The following DIS3L2 variants were observed in gnomAD, a reference collection of about 807,000 sequenced individuals.
The protein encoded by DIS3L2 is DIS3 like 3'-5' exoribonuclease 2, also known as DIS3-like exonuclease 2.
In DIS3L2, 34 loss-of-function variants were observed where a neutral mutation model predicts 97.5. The observed-to-expected ratio is 0.35, with a 90% CI of 0.27 to 0.46. DIS3L2 has a LOEUF of 0.46. Ranked by LOEUF, DIS3L2 falls within the 20% of genes least tolerant of loss-of-function variation. The pLI is 1.00. For missense variants in DIS3L2, 1,038 were observed against 1,146.0 expected (o/e 0.91, Z 1.36); for synonymous variants, 435 against 445.2 (o/e 0.98, Z 0.29).
At chr2:232,097,099 T>C (rs763854641) in intron 6 of DIS3L2, among the ~76,000 whole-genome samples, 26 of 152,348 alleles carry the variant, frequency 1.7e-4, no homozygotes, top group Non-Finnish European at 3.5e-4. Context: ...ATTTGTGTAT[T>C]GTAATCTAAG....
chr2:231,981,153 A>C (rs372045848), intron 1 of DIS3L2, among the ~76,000 whole-genome samples: 3 of 152,154 alleles, frequency 2.0e-5, no homozygotes, highest in African/African-American at 7.2e-5. Flanking sequence ...CATGTTGGGC[A>C]GGCTAGTCTT....
chr2:231,967,242 G>A (rs977234245), intron 1 of DIS3L2, among the ~76,000 whole-genome samples: 2 of 152,150 alleles, frequency 1.3e-5, no homozygotes, highest in Non-Finnish European at 1.5e-5. Flanking sequence ...GACCCAAACC[G>A]GATGAGGCAG....
At chr2:232,020,332 CAA>C (rs1248474863) in intron 3 of DIS3L2, among the ~76,000 whole-genome samples, 3 of 152,084 alleles carry the variant, frequency 2.0e-5, no homozygotes, top group Admixed American at 2.0e-4. Flanking sequence ...AGGAAGGTAT[CAA>C]AGTAAACCAG....
At chr2:232,334,171 A>G (rs909400710) in intron 17 of DIS3L2, among the ~76,000 whole-genome samples, 184 bp downstream of exon 17, 1 of 152,164 alleles carries the variant, frequency 6.6e-6, no homozygotes, top group African/African-American at 2.4e-5. Flanking sequence ...CAGAAGCTGC[A>G]TGGAGCCCAC....
chr2:232,271,815 G>A (rs921190281), intron 13 of DIS3L2, among the ~76,000 whole-genome samples: 8 of 152,092 alleles, frequency 5.3e-5, no homozygotes, highest in Non-Finnish European at 1.0e-4. Flanking sequence ...AATTTCAGCC[G>A]TCGCGGGTGT....
chr2:232,254,299 A>C (rs1382609181), intron 12 of DIS3L2, among the ~76,000 whole-genome samples: 1 of 152,148 alleles, frequency 6.6e-6, no homozygotes, highest in Non-Finnish European at 1.5e-5. Context: ...TTAAGAGGCA[A>C]ACGCTATCTG....
At chr2:232,145,792 G>A (rs1690200635) in intron 8 of DIS3L2, among the ~76,000 whole-genome samples, 1 of 152,012 alleles carries the variant, frequency 6.6e-6, no homozygotes, top group African/African-American at 2.4e-5. Context: ...TAGGTACAAA[G>A]CATTAATTTG....
chr2:232,111,158 T>G, intron 6 of DIS3L2: 1 of 449,634 alleles, frequency 2.2e-6, no homozygotes, highest in South Asian at 1.7e-5. Flanking sequence ...CTTAAAAGTT[T>G]AGAAACAACT....
At chr2:232,199,255 G>T (rs573546900) in intron 9 of DIS3L2, among the ~76,000 whole-genome samples, 1 of 152,238 alleles carries the variant, frequency 6.6e-6, no homozygotes, top group East Asian at 1.9e-4. Context: ...AAAGGAATGG[G>T]CATATTTCTT....
chr2:232,337,992 A>G (rs1696019625), downstream of DIS3L2, among the ~76,000 whole-genome samples: 1 of 149,564 alleles, frequency 6.7e-6, no homozygotes, highest in African/African-American at 2.5e-5. Context: ...CGGTCACCCC[A>G]TCTGTTCCTG....
chr2:232,285,464 CAGTG>C (rs1694401410), intron 13 of DIS3L2, among the ~76,000 whole-genome samples: 1 of 152,246 alleles, frequency 6.6e-6, no homozygotes, highest in South Asian at 2.1e-4. Flanking sequence ...CCTTAATTGA[CAGTG>C]AGCCTTGAGG....
intron 4 of DIS3L2, among the ~76,000 whole-genome samples, chr2:232,025,670 C>T (rs1042298262): frequency 2.0e-5 from 3 of 152,076 alleles, no homozygotes; most frequent in Non-Finnish European, 4.4e-5. Flanking sequence ...CTCACATGTA[C>T]GAGAAGTGCA....
intron 5 of DIS3L2, among the ~76,000 whole-genome samples, chr2:232,032,861 G>A (rs1694850767): frequency 6.6e-6 from 1 of 152,028 alleles, no homozygotes. Context: ...TATCTGTTTT[G>A]GTACCAGTAG....
chr2:231,971,802 C>T (rs962518177), intron 1 of DIS3L2, among the ~76,000 whole-genome samples: 8 of 150,234 alleles, frequency 5.3e-5, no homozygotes, highest in Non-Finnish European at 1.0e-4. Flanking sequence ...AGGATGGTCT[C>T]AAACTCCAGA....
rs535078734 is a variant in DIS3L2 at position 232,216,659 on chromosome 2, A to G, written c.1204+6254A>G. On this transcript the variant is annotated intron_variant, in intron 10 of 20. Coordinates refer to ENST00000325385, the MANE Select transcript of DIS3L2 (RefSeq NM_152383.5). ...GGTGGCTTTTTTCTTTGCTTTTAAG[A>G]TGCAAGATATTTGATATGTTTATGT... 3.9e-5 allele frequency among the ~76,000 whole-genome samples: 6 copies of G among 152,148 alleles called. No homozygotes were observed. In the South Asian group the frequency reaches 1.2e-3, roughly 32 times the overall value.
In DIS3L2 at chr2:232,336,499, G is replaced by T; in HGVS notation, c.2527G>T (p.Val843Phe). 1 of 1,611,490 alleles carries T rather than the reference G, an allele frequency of 6.2e-7. No homozygotes were observed. The highest frequency in any genetic ancestry group is 8.5e-7 in the Non-Finnish European group (1 of 1,179,738). ...VITIFSLVEV[V>F]LQAESTALKY... ...CACCATCTTCAGCCTGGTGGAGGTG[G>T]TCCTGCAGGCAGAGTCCACAGCCCT... Residue 843 changes from valine (V) to phenylalanine (F), a missense_variant, in exon 21 of 21, where the codon GTC becomes TTC. Val to Phe is a conservative substitution (Grantham distance 50). Coordinates refer to ENST00000325385, the MANE Select transcript of DIS3L2 (RefSeq NM_152383.5).
chr2:232,333,284 T>TCCACCTCTGCCATCG (rs1695823361), intron 16 of DIS3L2, among the ~76,000 whole-genome samples: 1 of 139,920 alleles, frequency 7.1e-6, no homozygotes, highest in Non-Finnish European at 1.5e-5. Flanking sequence ...CTCCTCTGCC[T>TCCACCTCTGCCATCG]CCACCTCTGC....
chr2:232,107,591 C>A (rs1398040917), intron 6 of DIS3L2, among the ~76,000 whole-genome samples: 1 of 152,128 alleles, frequency 6.6e-6, no homozygotes, highest in African/African-American at 2.4e-5. Context: ...CCCAGCTATT[C>A]AGGAGGCTGA....
At chr2:232,139,258 C>A (rs1017733700) in intron 8 of DIS3L2, among the ~76,000 whole-genome samples, 9 of 152,176 alleles carry the variant, frequency 5.9e-5, no homozygotes, top group Non-Finnish European at 1.2e-4. Flanking sequence ...ACTAGCCCAG[C>A]CACCACACAG....
Sources: gnomAD v4.1 joint callset for allele counts (sites outside exome capture counted in the v4.1 genomes callset) on GRCh38, gnomAD v4.1.1 for gene constraint, MANE v1.5 for transcripts, NCBI Gene and HGNC (gene_info 2026-07-23, HGNC 2026-07-21) for gene names.